EPHB2: variants seen among roughly 807,000 people sequenced by gnomAD.
The protein encoded by EPHB2 is EPH receptor B2.
Under a neutral mutation model 96.4 loss-of-function variants are expected in EPHB2, and 18 were observed. The ratio of observed to expected loss-of-function variants is 0.19; its 90% CI spans 0.13 to 0.28. The LOEUF (loss-of-function observed/expected upper bound fraction) is 0.28. EPHB2 is among the 10% of genes least tolerant of loss of function. The probability of loss-of-function intolerance (pLI) is 1.00; values close to 1 mark genes in which losing one functional copy is unlikely to be tolerated. For missense variants in EPHB2, 989 were observed against 1,355.4 expected (o/e 0.73, Z 4.25); for synonymous variants, 506 against 534.1 (o/e 0.95, Z 0.72).
intron 1 of EPHB2, among the ~76,000 whole-genome samples, chr1:22,755,717 A>G (rs951659128): frequency 9.2e-5 from 14 of 152,240 alleles, no homozygotes; most frequent in African/African-American, 3.4e-4. Flanking sequence ...TACGGTGCCT[A>G]TGTCAAAGGA....
Position 22,907,939 on chromosome 1 carries a change from C to T in EPHB2, c.2137-14C>T. The T allele has an allele frequency of 6.2e-7, 1 of 1,614,076 alleles. No individual in the cohort carries two copies. The highest frequency in any genetic ancestry group is 1.1e-5 in the South Asian group (1 of 91,078). On this transcript the variant is annotated splice_polypyrimidine_tract_variant and intron_variant, in intron 11 of 15. Coordinates refer to ENST00000374630, the MANE Select transcript of EPHB2 (RefSeq NM_017449.5). ...TCTTCTGTTTACTCTGTGTTTTCCC[C>T]ACTTCTCCCAAAGCAAAACGATGGG... is the stretch of plus-strand genomic sequence containing the variant.
chr1:22,857,184 T>C (rs1399580434), intron 3 of EPHB2, among the ~76,000 whole-genome samples: 6 of 152,164 alleles, frequency 3.9e-5, no homozygotes, highest in Non-Finnish European at 8.8e-5. Context: ...TTTAATGATC[T>C]CAAGTTGGTA....
chr1:22,847,790 TC>T (rs5773025), intron 3 of EPHB2, among the ~76,000 whole-genome samples: 150,875 of 152,264 alleles, frequency 0.99, 74,767 homozygotes, highest in East Asian at 1. Flanking sequence ...TCTGAACCCT[TC>T]CCCCCATACA....
At chr1:22,826,459 T>C (rs1645225245) in intron 3 of EPHB2, among the ~76,000 whole-genome samples, 1 of 152,236 alleles carries the variant, frequency 6.6e-6, no homozygotes, top group Admixed American at 6.5e-5. Flanking sequence ...TGGATGCTGA[T>C]TCTAACAGAC....
chr1:22,857,844 G>A (rs1289106341), intron 3 of EPHB2, among the ~76,000 whole-genome samples: 1 of 152,122 alleles, frequency 6.6e-6, no homozygotes. Flanking sequence ...GCCTACGACC[G>A]GCCCGCGGCT....
chr1:22,820,781 C>G (rs1645142234), intron 3 of EPHB2, among the ~76,000 whole-genome samples: 1 of 152,174 alleles, frequency 6.6e-6, no homozygotes, highest in Non-Finnish European at 1.5e-5. Flanking sequence ...TGGAACTACA[C>G]CAAGAAGTAT....
intron 3 of EPHB2, among the ~76,000 whole-genome samples, chr1:22,793,545 T>C (rs1235371441): frequency 1.3e-5 from 2 of 152,130 alleles, no homozygotes; most frequent in South Asian, 2.1e-4. Flanking sequence ...AGCCTCTTGC[T>C]TATCCCCAGA....
chr1:22,736,781 G>A (rs1643840931), intron 1 of EPHB2, among the ~76,000 whole-genome samples: 1 of 152,194 alleles, frequency 6.6e-6, no homozygotes, highest in African/African-American at 2.4e-5. Context: ...CCAGCGCACT[G>A]TGGGGCGGCC....
At chr1:22,842,161 A>G (rs933500007) in intron 3 of EPHB2, among the ~76,000 whole-genome samples, 1 of 151,958 alleles carries the variant, frequency 6.6e-6, no homozygotes, top group East Asian at 1.9e-4. Context: ...CAGACTCTGC[A>G]TAGCCCAGAG....
chr1:22,744,213 T>A (rs987672171), intron 1 of EPHB2, among the ~76,000 whole-genome samples: 3 of 151,950 alleles, frequency 2.0e-5, no homozygotes, highest in Admixed American at 1.3e-4. Flanking sequence ...CTGTTTCTAA[T>A]AAAATTGAGC....
intron 13 of EPHB2, 56 bp from the exon 14 acceptor site, chr1:22,910,326 G>C: frequency 2.5e-6 from 4 of 1,607,342 alleles, no homozygotes; most frequent in Non-Finnish European, 3.4e-6. Context: ...GCCTGGCAGA[G>C]GGTAGACGCC....
intron 3 of EPHB2, among the ~76,000 whole-genome samples, chr1:22,793,394 G>A (rs1644723040): frequency 6.6e-6 from 1 of 152,182 alleles, no homozygotes; most frequent in South Asian, 2.1e-4. Context: ...GAGGGAATGG[G>A]GAGAGAGCCA....
chr1:22,719,282 GATA>G (rs1049929526), intron 1 of EPHB2, among the ~76,000 whole-genome samples: 4 of 152,188 alleles, frequency 2.6e-5, no homozygotes, highest in African/African-American at 9.6e-5. Context: ...AGGTCTGGGA[GATA>G]ATATGACTCG....
chr1:22,721,444 G>A (rs1643463511), intron 1 of EPHB2, among the ~76,000 whole-genome samples: 1 of 152,104 alleles, frequency 6.6e-6, no homozygotes, highest in Admixed American at 6.5e-5. Flanking sequence ...CTTGTGAGCT[G>A]GCCTGCGTTG....
At chr1:22,885,233 A>C (rs1639186647) in intron 6 of EPHB2, among the ~76,000 whole-genome samples, 1 of 152,030 alleles carries the variant, frequency 6.6e-6, no homozygotes, top group South Asian at 2.1e-4. Context: ...GCAAAAAAAA[A>C]ACTAATTAAG....
chr1:22,728,420 C>T (rs1236934826), intron 1 of EPHB2, among the ~76,000 whole-genome samples: 1 of 152,224 alleles, frequency 6.6e-6, no homozygotes, highest in Non-Finnish European at 1.5e-5. Context: ...ACATGACTTA[C>T]TCGTGGTCAC....
At chr1:22,736,120 G>C (rs973678811) in intron 1 of EPHB2, among the ~76,000 whole-genome samples, 4 of 152,190 alleles carry the variant, frequency 2.6e-5, no homozygotes, top group African/African-American at 9.7e-5. Flanking sequence ...CAATAAAGAT[G>C]ATCGTAGTGG....
intron 3 of EPHB2, among the ~76,000 whole-genome samples, chr1:22,838,955 GAAAAAA>G (rs1028499355): frequency 3.0e-5 from 3 of 98,836 alleles, no homozygotes; most frequent in African/African-American, 9.3e-5. Flanking sequence ...AACAAAAAAA[GAAAAAA>G]AGAAAAAAAG....
At chr1:22,813,457 C>A (rs1429803165) in intron 3 of EPHB2, among the ~76,000 whole-genome samples, 1 of 152,182 alleles carries the variant, frequency 6.6e-6, no homozygotes, top group African/African-American at 2.4e-5. Context: ...AAGGCCTTAT[C>A]TGTGGTGCAG....
Sources: allele counts gnomAD v4.1 joint callset (sites outside exome capture counted in the v4.1 genomes callset), GRCh38; gene constraint gnomAD v4.1.1; transcripts MANE v1.5; gene names NCBI Gene and HGNC (gene_info 2026-07-23, HGNC 2026-07-21).